The following CCSER1 variants were observed in gnomAD, a reference collection of about 807,000 sequenced individuals.
The protein encoded by CCSER1 is serine-rich coiled-coil domain-containing protein 1.
In CCSER1, 41 loss-of-function variants were observed where a neutral mutation model predicts 82.0. That is an observed-to-expected ratio of 0.50 (90% CI 0.39 to 0.65). CCSER1 has a LOEUF of 0.65. Among genes scored for constraint, CCSER1 ranks in the 30% least tolerant of loss-of-function variants. The pLI, the probability that CCSER1 is intolerant of heterozygous loss-of-function variation, is 0.00. For missense variants in CCSER1, 1,119 were observed against 1,064.2 expected, an observed-to-expected ratio of 1.05 and a Z score of -0.72; for synonymous variants, 414 against 383.9, an observed-to-expected ratio of 1.08 and a Z score of -0.92.
intron 9 of CCSER1, among the ~76,000 whole-genome samples, chr4:90,936,016 C>T (rs1175117986): frequency 6.6e-6 from 1 of 151,788 alleles, no homozygotes; most frequent in Non-Finnish European, 1.5e-5. Flanking sequence ...ATAAAATATA[C>T]TTTCAAAGTA....
At chr4:91,557,425 A>C (rs1182739408) in intron 10 of CCSER1, among the ~76,000 whole-genome samples, 1 of 151,474 alleles carries the variant, frequency 6.6e-6, no homozygotes, top group African/African-American at 2.4e-5. Context: ...AATATCTTCT[A>C]TGTGGCAGGC....
intron 5 of CCSER1, among the ~76,000 whole-genome samples, chr4:90,503,219 G>T (rs146133394): frequency 1.3e-5 from 2 of 152,078 alleles, no homozygotes; most frequent in Non-Finnish European, 2.9e-5. Flanking sequence ...AAGAAGGCTA[G>T]AACAGTCATT....
chr4:91,291,565 G>T (rs2149219535), intron 10 of CCSER1, among the ~76,000 whole-genome samples: 1 of 152,078 alleles, frequency 6.6e-6, no homozygotes, highest in African/African-American at 2.4e-5. Flanking sequence ...TCACATGGCT[G>T]GAGCAGGAGC....
intron 9 of CCSER1, among the ~76,000 whole-genome samples, chr4:91,085,677 G>C (rs552045172): frequency 2.0e-4 from 30 of 151,990 alleles, no homozygotes; most frequent in Non-Finnish European, 3.7e-4. Flanking sequence ...TTCAACAAAG[G>C]GTAGGCAATC....
intron 9 of CCSER1, among the ~76,000 whole-genome samples, chr4:91,044,416 A>G (rs952241127): frequency 7.2e-5 from 11 of 152,212 alleles, no homozygotes; most frequent in Admixed American, 3.9e-4. Context: ...AAATGTTCAT[A>G]ATTACACTTA....
chr4:90,413,078 G>C (rs1755145157), intron 4 of CCSER1, among the ~76,000 whole-genome samples: 1 of 151,962 alleles, frequency 6.6e-6, no homozygotes, highest in Non-Finnish European at 1.5e-5. Context: ...AAAACCTCCT[G>C]GTAAATGAAT....
chr4:91,583,622 G>A (rs1468896597), intron 10 of CCSER1, among the ~76,000 whole-genome samples: 2 of 151,458 alleles, frequency 1.3e-5, no homozygotes, highest in Non-Finnish European at 3.0e-5. Flanking sequence ...TGACTTCTAA[G>A]CTTCTTGCTT....
chr4:90,528,365 A>G (rs1036588831), intron 5 of CCSER1, among the ~76,000 whole-genome samples: 5 of 152,250 alleles, frequency 3.3e-5, no homozygotes, highest in South Asian at 2.1e-4. Flanking sequence ...TTGCTGCCCC[A>G]TCTTCTACCA....
At chr4:90,788,626 G>C (rs1754839181) in intron 7 of CCSER1, among the ~76,000 whole-genome samples, 1 of 152,096 alleles carries the variant, frequency 6.6e-6, no homozygotes, top group African/African-American at 2.4e-5. Flanking sequence ...CTTCCCTCCA[G>C]TATTTTCTCT....
At chr4:90,642,003 T>A (rs1399041856) in intron 6 of CCSER1, 5 of 312,684 alleles carry the variant, frequency 1.6e-5, no homozygotes, top group Non-Finnish European at 2.9e-5. Flanking sequence ...TTTGTGTGAT[T>A]CGATGGGCTA....
At chr4:90,697,263 C>T (rs906800551) in intron 6 of CCSER1, among the ~76,000 whole-genome samples, 5 of 152,034 alleles carry the variant, frequency 3.3e-5, no homozygotes, top group East Asian at 1.9e-4. Context: ...TAATAGAGCA[C>T]GTCAGATTAT....
At chr4:90,196,656 T>TACAC (rs34346681) in intron 1 of CCSER1, among the ~76,000 whole-genome samples, 2,903 of 143,876 alleles carry the variant, frequency 0.02, 66 homozygotes, top group African/African-American at 0.05. Context: ...CCTGCTCAGA[T>TACAC]ACACACACAC....
At chr4:91,150,177 CT>C (rs1730014077) in intron 10 of CCSER1, among the ~76,000 whole-genome samples, 1 of 152,114 alleles carries the variant, frequency 6.6e-6, no homozygotes. Flanking sequence ...TGTAATTCTC[CT>C]TGAAGAAGTC....
intron 10 of CCSER1, among the ~76,000 whole-genome samples, chr4:91,473,242 A>G (rs939216673): frequency 6.6e-6 from 1 of 152,212 alleles, no homozygotes; most frequent in Non-Finnish European, 1.5e-5. Flanking sequence ...AAAAGTCCAT[A>G]TGCTTTCAGA....
chr4:91,150,697 T>G (rs1221872693), intron 10 of CCSER1, among the ~76,000 whole-genome samples: 1 of 152,198 alleles, frequency 6.6e-6, no homozygotes, highest in Non-Finnish European at 1.5e-5. Context: ...CATGAAGGGT[T>G]GTTGAATTTT....
chr4:91,356,496 C>CCTAT (rs1200023425), intron 10 of CCSER1, among the ~76,000 whole-genome samples: 1 of 152,140 alleles, frequency 6.6e-6, no homozygotes, highest in African/African-American at 2.4e-5. Flanking sequence ...AGTTGAAAGA[C>CCTAT]CTATAAGGGG....
chr4:90,706,256 C>T lies in CCSER1; in HGVS notation c.1933-17658C>T, dbSNP rs1056060049. Among the ~76,000 whole-genome samples, 6 of 152,124 alleles carry T rather than the reference C, an allele frequency of 3.9e-5. No individual in the cohort carries two copies. In the East Asian group the frequency reaches 1.2e-3, roughly 29 times the overall value. On this transcript the variant is annotated intron_variant, in intron 6 of 10. Transcript: ENST00000509176. Reference sequence around the variant, plus strand: ...AAGACTGAAAACCACCTAAAAATTGCCCTTTCACATGGTGAATTAAATTAT... The same window carrying T: ...AAGACTGAAAACCACCTAAAAATTGTCCTTTCACATGGTGAATTAAATTAT...
chr4:91,201,392 G>A (rs1225243393), intron 10 of CCSER1, among the ~76,000 whole-genome samples: 2 of 152,010 alleles, frequency 1.3e-5, no homozygotes, highest in Non-Finnish European at 2.9e-5. Flanking sequence ...ATAAATGAAT[G>A]AAAGATTCAT....
intron 10 of CCSER1, among the ~76,000 whole-genome samples, chr4:91,113,673 C>A (rs925394088): frequency 3.3e-5 from 5 of 152,122 alleles, no homozygotes; most frequent in Non-Finnish European, 7.3e-5. Flanking sequence ...TAGGCACTCA[C>A]ACATACCCTT....
Sources: gnomAD v4.1 joint callset for allele counts (sites outside exome capture counted in the v4.1 genomes callset) on GRCh38, gnomAD v4.1.1 for gene constraint, MANE v1.5 for transcripts, NCBI Gene and HGNC (gene_info 2026-07-23, HGNC 2026-07-21) for gene names.